Variants in SDC2 observed in about 807,000 individuals in gnomAD.
SDC2 encodes the protein syndecan-2.
SDC2 carries 13 observed loss-of-function variants against 22.2 expected under a neutral mutation model. The observed-to-expected ratio is 0.59, with a 90% CI of 0.38 to 0.93. SDC2 has a LOEUF of 0.93. Among genes scored for constraint, SDC2 ranks in the 40% least tolerant of loss-of-function variants. The pLI, the probability that SDC2 is intolerant of heterozygous loss-of-function variation, is 0.00. For synonymous variants in SDC2, 94 were observed against 92.8 expected (o/e 1.01, Z -0.07); for missense variants, 235 against 246.8 (o/e 0.95, Z 0.32).
chr8:96,557,373 C>G (rs1232219373), intron 1 of SDC2, among the ~76,000 whole-genome samples: 1 of 135,892 alleles, frequency 7.4e-6, no homozygotes, highest in Non-Finnish European at 1.6e-5. Flanking sequence ...TTGGAACCAA[C>G]CCAAATGTCC....
chr8:96,535,253 C>T (rs2589206), intron 1 of SDC2, among the ~76,000 whole-genome samples: 107,594 of 152,104 alleles, frequency 0.71, 41,566 homozygotes, highest in Non-Finnish European at 0.88. Flanking sequence ...ATGATTCGCC[C>T]GCCTTGGCCT....
At chr8:96,542,013 TC>T (rs1293835981) in intron 1 of SDC2, among the ~76,000 whole-genome samples, 2 of 152,116 alleles carry the variant, frequency 1.3e-5, no homozygotes, top group Non-Finnish European at 2.9e-5. Flanking sequence ...GAACACAAGG[TC>T]ATTGTCATGG....
chr8:96,516,161 T>C lies in SDC2; in HGVS notation c.60+21830T>C, dbSNP rs555928898. ...AAGTTACAGAATCATTGCTTTTGGC[T>C]GAAAACCTAGAAAGCTTGCAATGGC... On this transcript the variant is annotated intron_variant, in intron 1 of 4. Transcript: ENST00000302190. Among the ~76,000 whole-genome samples the C allele has an allele frequency of 9.8e-5, 15 of 152,316 alleles. 1 individual carries two copies. Among genetic ancestry groups the C allele is most frequent in the Admixed American group, 8.5e-4 (13 of 15,298 alleles).
At chr8:96,586,129 T>C (rs746911361) in intron 1 of SDC2, among the ~76,000 whole-genome samples, 3 of 152,356 alleles carry the variant, frequency 2.0e-5, no homozygotes, top group Non-Finnish European at 4.4e-5. Context: ...GCCTTCTTCA[T>C]GAGCCCAAGG....
At chr8:96,593,308 A>G (rs1195920676) in intron 1 of SDC2, among the ~76,000 whole-genome samples, 172 bp from the exon 2 acceptor site, 1 of 152,124 alleles carries the variant, frequency 6.6e-6, no homozygotes, top group Non-Finnish European at 1.5e-5. Flanking sequence ...TCACCTCTCA[A>G]ATTGCTGTTA....
rs1234244492 is a variant in SDC2, at chr8:96,609,556, A to T, written c.*8A>T. On this transcript the variant is annotated 3_prime_UTR_variant, in exon 5 of 5. Coordinates refer to ENST00000302190, the MANE Select transcript of SDC2 (RefSeq NM_002998.4). Reference sequence around the variant, plus strand: ...AAGGAGTTTTATGCGTAAAACTCCAACTTAGTGTCTCTATTTATGAGATCA... The same window carrying T: ...AAGGAGTTTTATGCGTAAAACTCCATCTTAGTGTCTCTATTTATGAGATCA... 1.3e-6 allele frequency: 2 copies of T among 1,570,784 alleles called. No homozygotes were observed. Among genetic ancestry groups the T allele is most frequent in the African/African-American group, 1.4e-5 (1 of 73,216 alleles).
intron 1 of SDC2, among the ~76,000 whole-genome samples, chr8:96,539,303 A>G (rs1332741318): frequency 6.6e-6 from 1 of 152,188 alleles, no homozygotes; most frequent in Non-Finnish European, 1.5e-5. Context: ...TGTGAATGAG[A>G]TGATATAAAA....
chr8:96,595,620 AGTT>A (rs1173553747), intron 2 of SDC2, among the ~76,000 whole-genome samples: 1 of 152,100 alleles, frequency 6.6e-6, no homozygotes, highest in East Asian at 1.9e-4. Context: ...AGAATCCAAG[AGTT>A]GTTAGTGGGG....
At chr8:96,513,466 A>G (rs550397837) in intron 1 of SDC2, among the ~76,000 whole-genome samples, 18 of 152,274 alleles carry the variant, frequency 1.2e-4, no homozygotes, top group African/African-American at 3.9e-4. Flanking sequence ...AGAGGCAGAA[A>G]ACCCAGAAGA....
intron 1 of SDC2, among the ~76,000 whole-genome samples, chr8:96,532,168 GAAAT>G (rs1813672303): frequency 6.6e-6 from 1 of 152,166 alleles, no homozygotes; most frequent in Non-Finnish European, 1.5e-5. Context: ...AGTGCACACA[GAAAT>G]AAATATGATA....
At chr8:96,501,817 T>C (rs961789156) in intron 1 of SDC2, among the ~76,000 whole-genome samples, 1 of 152,178 alleles carries the variant, frequency 6.6e-6, no homozygotes, top group African/African-American at 2.4e-5. Context: ...TTCTGCACTT[T>C]AGGGTGTGGT....
chr8:96,556,515 A>C (rs906693302), intron 1 of SDC2, among the ~76,000 whole-genome samples: 1 of 151,358 alleles, frequency 6.6e-6, no homozygotes, highest in African/African-American at 2.4e-5. Flanking sequence ...CAAAAACAAG[A>C]AATGGGGAAA....
At chr8:96,542,545 T>A (rs1813868290) in intron 1 of SDC2, among the ~76,000 whole-genome samples, 1 of 152,162 alleles carries the variant, frequency 6.6e-6, no homozygotes, top group Non-Finnish European at 1.5e-5. Context: ...TCAAGCTTTT[T>A]CCAGTGGTCT....
In SDC2 at chr8:96,519,301, T is replaced by G. The variant is rs372631790; in HGVS notation, c.60+24970T>G. Among the ~76,000 whole-genome samples the G allele has an allele frequency of 2.2e-4, 33 of 152,354 alleles. No individual in the cohort carries two copies. In the East Asian group the frequency reaches 5.0e-3, roughly 23 times the overall value. ...TCCCTGCCCCTCCCCCCACACTATT[T>G]TTTGTAAAATCCTCAAATTTCAAAG... On this transcript the variant is annotated intron_variant, in intron 1 of 4. Coordinates refer to ENST00000302190, the MANE Select transcript of SDC2 (RefSeq NM_002998.4).
chr8:96,536,223 T>A (rs1248216333), intron 1 of SDC2, among the ~76,000 whole-genome samples: 1 of 152,000 alleles, frequency 6.6e-6, no homozygotes, highest in African/African-American at 2.4e-5. Flanking sequence ...TGGATAGGAA[T>A]AACCAAGTGA....
chr8:96,602,423 G>C lies in SDC2; in HGVS notation c.201G>C (p.Glu67Asp), dbSNP rs1281581207. Residue 67 changes from glutamate (E) to aspartate (D), a missense_variant, in exon 3 of 5, where the codon GAG becomes GAC. Coordinates refer to ENST00000302190, the MANE Select transcript of SDC2 (RefSeq NM_002998.4). ...SGADEDVESP[E>D]LTTSRPLPKI... is the part of the protein sequence containing the mutation. ...CTGATGAGGATGTAGAGAGTCCAGA[G>C]CTGACAACATCTCGACCACTTCCAA... The C allele has an allele frequency of 6.2e-7, 1 of 1,614,118 alleles. No individual in the cohort carries two copies. Among genetic ancestry groups the C allele is most frequent in the Non-Finnish European group, 8.5e-7 (1 of 1,179,976 alleles).
intron 1 of SDC2, among the ~76,000 whole-genome samples, chr8:96,501,343 G>A (rs999149949): frequency 3.6e-5 from 4 of 112,128 alleles, no homozygotes; most frequent in African/African-American, 7.1e-5. Context: ...GTCTCACTCC[G>A]TCGCCCAGGC....
At chr8:96,543,794 T>G (rs575520643) in intron 1 of SDC2, among the ~76,000 whole-genome samples, 4 of 152,216 alleles carry the variant, frequency 2.6e-5, no homozygotes, top group Non-Finnish European at 5.9e-5. Context: ...TATGTGTATA[T>G]GAGTGTGTAT....
At chr8:96,605,077 C>T (rs1245395248) in intron 3 of SDC2, among the ~76,000 whole-genome samples, 2 of 152,152 alleles carry the variant, frequency 1.3e-5, no homozygotes, top group Non-Finnish European at 2.9e-5. Flanking sequence ...TTCAGCCTGC[C>T]GGATCAGAGG....
Sources: gnomAD v4.1 joint callset for allele counts (sites outside exome capture counted in the v4.1 genomes callset) on GRCh38, gnomAD v4.1.1 for gene constraint, MANE v1.5 for transcripts, NCBI Gene and HGNC (gene_info 2026-07-23, HGNC 2026-07-21) for gene names.